ORC2: variants seen among roughly 807,000 people sequenced by gnomAD.
The protein encoded by ORC2 is origin recognition complex subunit 2, also known as origin recognition complex protein 2 homolog.
A neutral mutation model predicts 77.7 loss-of-function variants in ORC2; 37 were observed. That is an observed-to-expected ratio of 0.48 (90% CI 0.37 to 0.63). The LOEUF (loss-of-function observed/expected upper bound fraction) is 0.63, where lower values mean the gene tolerates loss of function less well. Ranked by LOEUF, ORC2 falls within the 20% of genes least tolerant of loss-of-function variation. ORC2 has a pLI of 0.00. For synonymous variants in ORC2, 201 were observed against 229.5 expected (o/e 0.88, Z 1.12); for missense variants, 557 against 661.9 (o/e 0.84, Z 1.74).
At chr2:200,956,667 G>A (rs940183261) in intron 4 of ORC2, among the ~76,000 whole-genome samples, 2 of 152,056 alleles carry the variant, frequency 1.3e-5, no homozygotes, top group Non-Finnish European at 2.9e-5. Context: ...AGCTACTCAG[G>A]TGGCTAAGTT....
At chr2:200,927,360 A>G (rs2040857715) in intron 11 of ORC2, among the ~76,000 whole-genome samples, 2 of 151,942 alleles carry the variant, frequency 1.3e-5, no homozygotes, top group Non-Finnish European at 2.9e-5. Flanking sequence ...CTGGGACTAC[A>G]GGTGTGAGCC....
At chr2:200,920,897 G>T in intron 14 of ORC2, 96 bp downstream of exon 14, 1 of 775,392 alleles carries the variant, frequency 1.3e-6, no homozygotes, top group Non-Finnish European at 1.8e-6. Flanking sequence ...GGGAAAAAGC[G>T]TACTAAAAAC....
intron 15 of ORC2, among the ~76,000 whole-genome samples, chr2:200,919,629 T>C (rs1575153516): frequency 6.6e-6 from 1 of 152,196 alleles, no homozygotes; most frequent in Non-Finnish European, 1.5e-5. Flanking sequence ...AAAGTGCTGG[T>C]ATTACAGGTG....
intron 7 of ORC2, among the ~76,000 whole-genome samples, chr2:200,940,372 T>A (rs1475604665): frequency 6.6e-6 from 1 of 152,178 alleles, no homozygotes; most frequent in Admixed American, 6.6e-5. Context: ...AAATACCCTT[T>A]ACAGACAAAC....
chr2:200,919,759 G>A (rs2040724425), intron 15 of ORC2, among the ~76,000 whole-genome samples: 1 of 152,214 alleles, frequency 6.6e-6, no homozygotes, highest in South Asian at 2.1e-4. Context: ...CTTGACTGGA[G>A]ACATTATACA....
rs941622852 is a variant in ORC2, at chr2:200,942,871, C to T, written c.329-94G>A. 4.1e-5 allele frequency: 25 copies of T among 611,834 alleles called. No homozygotes were observed. The Admixed American group carries it at 5.9e-4, about 14-fold the overall frequency. 37.9% of individuals were successfully genotyped at this position (611,834 alleles called of 1,614,324 possible). On this transcript the variant is annotated intron_variant, in intron 5 of 17. Transcript: ENST00000234296. ...TACGCTTACAAAAATTCTTTAAAAA[C>T]CTCTGTTACTTTTATCAGAAAAATA...
At position 200,909,312 on chromosome 2, in the gene ORC2, AACTC is replaced by A. The variant is rs1345099889; in HGVS notation, c.*1985_*1988del. 2 of 152,220 alleles carry A rather than the reference AACTC, an allele frequency of 1.3e-5. No homozygotes were observed. The highest frequency in any genetic ancestry group is 4.8e-5 in the African/African-American group (2 of 41,454). 9.4% of individuals were successfully genotyped at this position (152,220 alleles called of 1,614,324 possible). On this transcript the variant is annotated 3_prime_UTR_variant, in exon 18 of 18. Transcript: ENST00000234296. ...TGGGTGGATCAGGGAGTGGGCAGGA[AACTC>A]ACTTTCACTGAATATCCTTTGGTAC...
chr2:200,942,407 G>C (rs2041171272), intron 6 of ORC2, among the ~76,000 whole-genome samples: 2 of 152,130 alleles, frequency 1.3e-5, no homozygotes, highest in East Asian at 1.9e-4. Context: ...TAAATAATTG[G>C]CTAACTCAAG....
intron 4 of ORC2, among the ~76,000 whole-genome samples, chr2:200,952,860 C>G (rs1041850404): frequency 1.3e-5 from 2 of 151,372 alleles, no homozygotes; most frequent in African/African-American, 4.9e-5. Context: ...CCTCTAATCT[C>G]AGCACTTTGG....
chr2:200,923,765 A>G (rs572832453), intron 13 of ORC2, among the ~76,000 whole-genome samples: 3 of 152,286 alleles, frequency 2.0e-5, no homozygotes, highest in South Asian at 4.1e-4. Flanking sequence ...AAAAAAGCAG[A>G]AAAATGTGAA....
At chr2:200,935,444 G>A (rs11895356) in intron 9 of ORC2, among the ~76,000 whole-genome samples, 8,266 of 152,272 alleles carry the variant, frequency 0.054, 509 homozygotes, top group African/African-American at 0.15. Flanking sequence ...TTTTTATACA[G>A]TGGAATTGAG....
At chr2:200,913,476 AC>A in intron 16 of ORC2, 63 bp from the exon 17 acceptor site, 1 of 1,495,670 alleles carries the variant, frequency 6.7e-7, no homozygotes, top group Non-Finnish European at 9.0e-7. Context: ...ATATACAAAC[AC>A]CCATACAAAA....
chr2:200,961,066 C>T (rs2041561023), intron 1 of ORC2, among the ~76,000 whole-genome samples: 1 of 151,848 alleles, frequency 6.6e-6, no homozygotes, highest in South Asian at 2.1e-4. Flanking sequence ...TAAGCCACTG[C>T]ACCTGGCAGA....
At chr2:200,960,927 C>G (rs1027390599) in intron 1 of ORC2, among the ~76,000 whole-genome samples, 3 of 151,826 alleles carry the variant, frequency 2.0e-5, no homozygotes, top group African/African-American at 7.3e-5. Context: ...CAGGTGTGCA[C>G]CACCACACCC....
At chr2:200,935,413 G>A (rs2041021931) in intron 9 of ORC2, among the ~76,000 whole-genome samples, 1 of 152,228 alleles carries the variant, frequency 6.6e-6, no homozygotes, top group Admixed American at 6.5e-5. Context: ...ATGAGCCACT[G>A]TGCCCAGCCT....
chr2:200,934,459 C>A (rs904091320), intron 9 of ORC2, among the ~76,000 whole-genome samples: 1 of 151,420 alleles, frequency 6.6e-6, no homozygotes, highest in African/African-American at 2.4e-5. Context: ...GGACTACAGG[C>A]ATGCACCACT....
chr2:200,940,183 C>T (rs1394971301), intron 7 of ORC2, among the ~76,000 whole-genome samples: 2 of 152,226 alleles, frequency 1.3e-5, no homozygotes, highest in African/African-American at 2.4e-5. Context: ...ACACAAATTA[C>T]TGGCTACAAT....
At chr2:200,953,054 A>G (rs980893860) in intron 4 of ORC2, among the ~76,000 whole-genome samples, 1 of 147,640 alleles carries the variant, frequency 6.8e-6, no homozygotes, top group Non-Finnish European at 1.5e-5. Context: ...CTAAGGTTGC[A>G]GTGAGCCTTG....
intron 12 of ORC2, 57 bp downstream of exon 12, chr2:200,926,711 G>T: frequency 6.4e-7 from 1 of 1,559,834 alleles, no homozygotes; most frequent in Non-Finnish European, 8.8e-7. Flanking sequence ...CATTTATGTG[G>T]GGGCTTGAAT....
Sources: allele counts gnomAD v4.1 joint callset (sites outside exome capture counted in the v4.1 genomes callset), GRCh38; gene constraint gnomAD v4.1.1; transcripts MANE v1.5; gene names NCBI Gene and HGNC (gene_info 2026-07-23, HGNC 2026-07-21).